Variants in LONP1 observed in about 807,000 individuals in gnomAD.
The protein encoded by LONP1 is lon peptidase 1, mitochondrial, also known as lon protease homolog, mitochondrial.
A neutral mutation model predicts 98.5 loss-of-function variants in LONP1; 31 were observed. The observed-to-expected ratio is 0.31, with a 90% CI of 0.24 to 0.42. LONP1 has a LOEUF of 0.42. Ranked by LOEUF, LONP1 falls within the 20% of genes least tolerant of loss-of-function variation. The pLI is 1.00. For synonymous variants in LONP1, 781 were observed against 594.7 expected, an observed-to-expected ratio of 1.31 and a Z score of -4.56; for missense variants, 1,336 against 1,350.6, an observed-to-expected ratio of 0.99 and a Z score of 0.17.
At chr19:5,704,119 C>A (rs550083758) in intron 8 of LONP1, among the ~76,000 whole-genome samples, 1 of 152,098 alleles carries the variant, frequency 6.6e-6, no homozygotes, top group Admixed American at 6.6e-5. Context: ...CAGGTCCTCA[C>A]GACAGGCGGT....
rs764156133 is a variant in LONP1 at position 5,719,860 on chromosome 19, C to CTCCGCGCCGCCCTCGGAGGCG, written c.252_272dup (p.Asp84_Ala90dup). Reference sequence around the variant, plus strand: ...TGCCCCCCGCGCCGCCGGCTCCTTCCTCCGCGCCGCCCTCGGAGGCGTCCT... The same window carrying CTCCGCGCCGCCCTCGGAGGCG: ...TGCCCCCCGCGCCGCCGGCTCCTTCCTCCGCGCCGCCCTCGGAGGCGTCCGCGCCGCCCTCGGAGGCGTCCT... On this transcript the variant is annotated inframe_insertion, in exon 1 of 18. Transcript: ENST00000360614. 3 of 1,600,518 alleles carry CTCCGCGCCGCCCTCGGAGGCG rather than the reference C, an allele frequency of 1.9e-6. No homozygotes were observed. In the South Asian group the frequency reaches 3.3e-5, roughly 18 times the overall value.
chr19:5,701,767 G>C (rs1210592026), intron 8 of LONP1, among the ~76,000 whole-genome samples: 1 of 151,982 alleles, frequency 6.6e-6, no homozygotes, highest in African/African-American at 2.4e-5. Flanking sequence ...TCTGGGAAGT[G>C]AGGAGCGTCT....
In LONP1 at chr19:5,712,017, A is replaced by G; in HGVS notation, c.639-15T>C. ...TGATATGGACTCTGACACGGGAGCA[A>G]GGCAGGTGTGAATCAGCCGCTGAGG... On this transcript the variant is annotated splice_polypyrimidine_tract_variant and intron_variant, in intron 3 of 17. Coordinates refer to ENST00000360614, the MANE Select transcript of LONP1 (RefSeq NM_004793.4). 6.2e-7 allele frequency: 1 copy of G among 1,603,266 alleles called. No individual in the cohort carries two copies. The highest frequency in any genetic ancestry group is 8.5e-7 in the Non-Finnish European group (1 of 1,172,790).
At chr19:5,719,635 T>A in intron 1 of LONP1, 69 bp downstream of exon 1, 1 of 1,610,638 alleles carries the variant, frequency 6.2e-7, no homozygotes, top group Non-Finnish European at 8.5e-7. Flanking sequence ...GGCGCTCAAG[T>A]GATCCCACGG....
chr19:5,700,771 G>A lies in LONP1; in HGVS notation c.1506+18C>T, dbSNP rs372191422. The A allele has an allele frequency of 1.3e-4, 209 of 1,613,796 alleles. No individual in the cohort carries two copies. The highest frequency in any genetic ancestry group is 1.6e-4 in the Middle Eastern group (1 of 6,078). ...GCACCCACATGCAAATCCACAACAG[G>A]CCAGACACTGGGCTCACCAGGATGC... On this transcript the variant is annotated intron_variant, in intron 9 of 17. Coordinates refer to ENST00000360614, the MANE Select transcript of LONP1 (RefSeq NM_004793.4).
Position 5,691,984 on chromosome 19 carries a change from G to GGCCCAGACAGGGCCTGACATCCAGTTCTC in LONP1, c.*47_*48insGAGAACTGGATGTCAGGCCCTGTCTGGGC. The GGCCCAGACAGGGCCTGACATCCAGTTCTC allele has an allele frequency of 6.3e-7, 1 of 1,584,598 alleles. No individual in the cohort carries two copies. On this transcript the variant is annotated 3_prime_UTR_variant, in exon 18 of 18. Transcript: ENST00000360614. ...CGCGCTCCCCACAGCGCTCAGTTCTGGCCCAGACAGGGCCTGACATCCGCC... is the reference window on the plus strand; with the variant it reads ...CGCGCTCCCCACAGCGCTCAGTTCTGGCCCAGACAGGGCCTGACATCCAGTTCTCGCCCAGACAGGGCCTGACATCCGCC...
intron 8 of LONP1, among the ~76,000 whole-genome samples, chr19:5,705,117 G>A (rs2055122489): frequency 6.6e-6 from 1 of 150,988 alleles, no homozygotes; most frequent in African/African-American, 2.4e-5. Context: ...AACCAACATT[G>A]CACCACTGTA....
intron 3 of LONP1, 124 bp from the exon 4 acceptor site, chr19:5,712,126 G>T: frequency 4.1e-6 from 3 of 739,308 alleles, no homozygotes; most frequent in Non-Finnish European, 4.3e-6. Flanking sequence ...GGAGCCACAG[G>T]GTGGCTACAG....
In LONP1 at chr19:5,701,465, C is replaced by T. The variant is rs529469762; in HGVS notation, c.1368-538G>A. The stretch of plus-strand genomic sequence containing the variant: ...CCTGCCTGAGCCTGCCGAGTGCCTG[C>T]GATTGCAGGCGCGCGCCGCCACGCC... On this transcript the variant is annotated intron_variant, in intron 8 of 17. Transcript: ENST00000360614. Among the ~76,000 whole-genome samples the T allele has an allele frequency of 2.4e-4, 37 of 152,278 alleles. No homozygotes were observed. The South Asian group carries it at 5.0e-3, about 20-fold the overall frequency.
rs1218455745 is a variant in LONP1 at position 5,693,472 on chromosome 19, C to A, written c.2539-10G>T. On this transcript the variant is annotated splice_polypyrimidine_tract_variant and intron_variant, in intron 16 of 17. Coordinates refer to ENST00000360614, the MANE Select transcript of LONP1 (RefSeq NM_004793.4). ...CCTTGGGGGTGGCGCCCTGTGGAGG[C>A]ATGTGGGGATAGTGGGTGAGCAGGT... The A allele has an allele frequency of 2.5e-6, 4 of 1,611,268 alleles. No homozygotes were observed. The highest frequency in any genetic ancestry group is 3.4e-6 in the Non-Finnish European group (4 of 1,178,170).
In LONP1 at chr19:5,696,114, G is replaced by A. The variant is rs754451480; in HGVS notation, c.1953C>T (p.Asp651=). 1 of 1,613,166 alleles carries A rather than the reference G, an allele frequency of 6.2e-7. No homozygotes were observed. Among genetic ancestry groups the A allele is most frequent in the South Asian group, 1.1e-5 (1 of 91,088 alleles). Residue 651 remains aspartate, a synonymous_variant, in exon 13 of 18, where the codon GAC becomes GAT. Coordinates refer to ENST00000360614, the MANE Select transcript of LONP1 (RefSeq NM_004793.4). ...VTDTIPEPLR[D]RMEMINVSGY... ...CCGACACGTTGATCATCTCCATACG[G>A]TCTCGCAGCGGCTCGGGGATGGTGT...
At position 5,716,273 on chromosome 19, in the gene LONP1, T is replaced by C. The variant is rs932359282; in HGVS notation, c.430-2002A>G. On this transcript the variant is annotated intron_variant, in intron 1 of 17. Transcript: ENST00000360614. ...GTTAAAATATACATATATATATATA[T>C]ATATATATATATATATATATATATA... Among the ~76,000 whole-genome samples, 80 of 74,284 alleles carry C rather than the reference T, an allele frequency of 1.1e-3. 3 individuals carry two copies. Among genetic ancestry groups the C allele is most frequent in the African/African-American group, 3.4e-3 (75 of 22,246 alleles). 48.7% of individuals were successfully genotyped at this position (74,284 alleles called of 152,430 possible). A position where few individuals can be genotyped will look rare whatever the true frequency, so the allele number is the denominator to read the frequency against.
At chr19:5,695,536 T>C (rs966502866) in intron 13 of LONP1, among the ~76,000 whole-genome samples, 2 of 152,090 alleles carry the variant, frequency 1.3e-5, no homozygotes, top group African/African-American at 2.4e-5. Context: ...GACACGAGGA[T>C]GCTGGGAGGG....
Position 5,713,125 on chromosome 19 carries a change from GC to G in LONP1, c.638+8del, listed in dbSNP as rs765057592. On this transcript the variant is annotated splice_region_variant and intron_variant, in intron 3 of 17. Transcript: ENST00000360614. ...CCCCACCTCCCACTGTCCCCCGCCA[GC>G]CACCCACCTTCTGTGTCCCATGACG... The G allele has an allele frequency of 2.5e-6, 4 of 1,611,656 alleles. No homozygotes were observed. The highest frequency in any genetic ancestry group is 3.4e-6 in the Non-Finnish European group (4 of 1,178,928).
At position 5,720,024 on chromosome 19, in the gene LONP1, C is replaced by T. The variant is rs747383422; in HGVS notation, c.109G>A (p.Ala37Thr). The change falls in exon 1 of 18, where the codon GCG becomes ACG. Residue 37 changes from alanine (A) to threonine (T), a missense_variant. By Grantham distance (58) the Ala-to-Thr change is moderately conservative. Coordinates refer to ENST00000360614, the MANE Select transcript of LONP1 (RefSeq NM_004793.4). ...AGGRVPTAAG[A>T]WLLRGQRTCD... ...GTCCGCTGGCCTCGGAGCAACCACG[C>T]TCCTGCTGCAGTGGGAACCCGCCCC... 2 of 1,565,316 alleles carry T rather than the reference C, an allele frequency of 1.3e-6. No individual in the cohort carries two copies. Among genetic ancestry groups the T allele is most frequent in the South Asian group, 2.3e-5 (2 of 85,378 alleles).
At chr19:5,709,860 C>T (rs1332739912) in intron 4 of LONP1, among the ~76,000 whole-genome samples, 3 of 137,980 alleles carry the variant, frequency 2.2e-5, no homozygotes, top group Admixed American at 7.9e-5. Context: ...TGCGGTGAGC[C>T]GAGATCACGC....
chr19:5,713,295 C>G (rs1187320022), intron 2 of LONP1, 42 bp from the exon 3 acceptor site: 1 of 1,605,258 alleles, frequency 6.2e-7, no homozygotes, highest in African/African-American at 1.3e-5. Context: ...ACATGGCTTT[C>G]ATGCTAGGCA....
At chr19:5,698,869 C>T (rs761987852) in intron 10 of LONP1, among the ~76,000 whole-genome samples, 158 bp downstream of exon 10, 4 of 152,256 alleles carry the variant, frequency 2.6e-5, no homozygotes, top group Non-Finnish European at 5.9e-5. Flanking sequence ...GCCTGAAGTC[C>T]GCCACATGGC....
At chr19:5,711,708 A>G (rs2055239373) in intron 4 of LONP1, 63 bp downstream of exon 4, 3 of 1,396,028 alleles carry the variant, frequency 2.1e-6, no homozygotes, top group East Asian at 2.3e-5. Context: ...AGGCCGCAGG[A>G]ACGGCTCAAG....
Sources: allele counts gnomAD v4.1 joint callset (sites outside exome capture counted in the v4.1 genomes callset), GRCh38; gene constraint gnomAD v4.1.1; transcripts MANE v1.5; gene names NCBI Gene and HGNC (gene_info 2026-07-23, HGNC 2026-07-21).